The following ABCG2 variants were observed in gnomAD, a reference collection of about 807,000 sequenced individuals.
The protein encoded by ABCG2 is broad substrate specificity ATP-binding cassette transporter ABCG2.
In ABCG2, 80 loss-of-function variants were observed where a neutral mutation model predicts 73.5. That is an observed-to-expected ratio of 1.09 (90% CI 0.91 to 1.31). The LOEUF is 1.31. Ranked by LOEUF, ABCG2 falls within the 50% of genes most tolerant of loss-of-function variation. ABCG2 has a pLI of 0.00. For missense variants in ABCG2, 796 were observed against 786.2 expected, an observed-to-expected ratio of 1.01 and a Z score of -0.15; for synonymous variants, 269 against 282.4, an observed-to-expected ratio of 0.95 and a Z score of 0.48.
At chr4:88,218,681 G>A (rs374240875) in intron 1 of ABCG2, among the ~76,000 whole-genome samples, 99 of 152,244 alleles carry the variant, frequency 6.5e-4, no homozygotes, top group African/African-American at 2.3e-3. Flanking sequence ...GAGTGAGAAC[G>A]TACGCACATG....
chr4:88,119,960 T>C (rs960674562), intron 6 of ABCG2, among the ~76,000 whole-genome samples: 7 of 151,950 alleles, frequency 4.6e-5, no homozygotes, highest in African/African-American at 1.7e-4. Context: ...ACCAAGACAA[T>C]GGGGAAAATG....
intron 1 of ABCG2, among the ~76,000 whole-genome samples, chr4:88,219,353 G>A (rs1386070882): frequency 6.6e-6 from 1 of 152,090 alleles, no homozygotes; most frequent in Non-Finnish European, 1.5e-5. Flanking sequence ...TATTCCAATG[G>A]AGAAGACAGA....
intron 5 of ABCG2, among the ~76,000 whole-genome samples, chr4:88,127,442 CA>C (rs1231948489): frequency 6.6e-6 from 1 of 151,322 alleles, no homozygotes; most frequent in Non-Finnish European, 1.5e-5. Context: ...ATATGGAACC[CA>C]AAAAAAAGCC....
intron 2 of ABCG2, 119 bp downstream of exon 2, chr4:88,139,674 T>C (rs942530852): frequency 2.4e-5 from 19 of 780,752 alleles, no homozygotes; most frequent in Non-Finnish European, 3.5e-5. Context: ...TGTGTCTGTA[T>C]ATCTGTGCAA....
At chr4:88,122,230 TG>T (rs1450212793) in intron 5 of ABCG2, among the ~76,000 whole-genome samples, 2 of 152,086 alleles carry the variant, frequency 1.3e-5, no homozygotes, top group South Asian at 4.2e-4. Context: ...AACACAAAAC[TG>T]GGTGGCCATT....
At chr4:88,125,984 A>G (rs1020404014) in intron 5 of ABCG2, among the ~76,000 whole-genome samples, 4 of 152,184 alleles carry the variant, frequency 2.6e-5, no homozygotes, top group Non-Finnish European at 5.9e-5. Context: ...AAACAAATCA[A>G]CGAATCCAGG....
At position 88,223,740 on chromosome 4, in the gene ABCG2, C is replaced by A. The variant is rs537082575; in HGVS notation, c.-20+7254G>T. On this transcript the variant is annotated intron_variant, in intron 1 of 15. Coordinates refer to the ABCG2 transcript ENST00000515655. ...TTACAGCATCCTGGGCATTTCACATCCCTGAAGTAGGAACTGGAGCTCTGT... is the reference window on the plus strand; with the variant it reads ...TTACAGCATCCTGGGCATTTCACATACCTGAAGTAGGAACTGGAGCTCTGT... The A allele has an allele frequency of 8.4e-4, 128 of 153,000 alleles. 5 individuals carry two copies. In the South Asian group the frequency reaches 0.023, roughly 28 times the overall value. The allele number at this position is 153,000 out of a possible 1,614,324, so 9.5% of individuals were successfully genotyped here. A position where few individuals can be genotyped will look rare whatever the true frequency, so the allele number is the denominator to read the frequency against.
chr4:88,097,147 T>C (rs1722036883), intron 13 of ABCG2, among the ~76,000 whole-genome samples: 1 of 152,242 alleles, frequency 6.6e-6, no homozygotes, highest in African/African-American at 2.4e-5. Flanking sequence ...TCTTCTGATT[T>C]TTGAAATTCC....
intron 1 of ABCG2, among the ~76,000 whole-genome samples, 152 bp downstream of exon 1, chr4:88,158,234 T>C (rs2622605): frequency 0.41 from 61,964 of 152,086 alleles, 13,674 homozygotes; most frequent in East Asian, 0.66. Flanking sequence ...AGTTTTAAAC[T>C]GCATACCCAC....
At chr4:88,162,113 G>T (rs952303637), upstream of ABCG2, among the ~76,000 whole-genome samples, 4 of 152,102 alleles carry the variant, frequency 2.6e-5, no homozygotes, top group Non-Finnish European at 5.9e-5. Flanking sequence ...TTGGGGGGCT[G>T]AGGTGGAAGG....
At chr4:88,132,965 C>G (rs1725006091) in intron 2 of ABCG2, among the ~76,000 whole-genome samples, 1 of 152,218 alleles carries the variant, frequency 6.6e-6, no homozygotes, top group South Asian at 2.1e-4. Flanking sequence ...ATGTTAATCA[C>G]TGGTCAAGTC....
At position 88,095,502 on chromosome 4, in the gene ABCG2, C is replaced by G; in HGVS notation, c.1737+18G>C. Reference sequence around the variant, plus strand: ...TAGCTTGGGAATGCAGTCACAGTGACAGACAAGGAAGACATACCGTAAATC... The same window carrying G: ...TAGCTTGGGAATGCAGTCACAGTGAGAGACAAGGAAGACATACCGTAAATC... On this transcript the variant is annotated intron_variant, in intron 14 of 15. Transcript: ENST00000237612. 1 of 1,601,008 alleles carries G rather than the reference C, an allele frequency of 6.2e-7. No individual in the cohort carries two copies. Among genetic ancestry groups the G allele is most frequent in the Non-Finnish European group, 8.6e-7 (1 of 1,168,512 alleles).
chr4:88,100,639 G>C (rs1722343921), intron 11 of ABCG2, among the ~76,000 whole-genome samples: 1 of 151,754 alleles, frequency 6.6e-6, no homozygotes, highest in African/African-American at 2.4e-5. Flanking sequence ...GACAAAGCAA[G>C]ACCCTGTCTC....
intron 5 of ABCG2, among the ~76,000 whole-genome samples, chr4:88,125,233 A>G (rs1724304164): frequency 6.6e-6 from 1 of 151,844 alleles, no homozygotes; most frequent in Admixed American, 6.6e-5. Flanking sequence ...CTGAACTTGC[A>G]GTGAGCCAAG....
At chr4:88,099,557 C>T in intron 11 of ABCG2, 109 bp from the exon 12 acceptor site, 2 of 1,130,456 alleles carry the variant, frequency 1.8e-6, no homozygotes, top group Admixed American at 5.2e-5. Context: ...TTGAACAAGC[C>T]AGCTTCCCAC....
At chr4:88,156,847 G>C (rs145726279) in intron 1 of ABCG2, among the ~76,000 whole-genome samples, 7,240 of 152,286 alleles carry the variant, frequency 0.048, 228 homozygotes, top group Middle Eastern at 0.068. Context: ...GCTCACGCCT[G>C]TAATCCCAGC....
At chr4:88,119,801 G>T (rs939250468) in intron 6 of ABCG2, among the ~76,000 whole-genome samples, 1 of 152,086 alleles carries the variant, frequency 6.6e-6, no homozygotes, top group Non-Finnish European at 1.5e-5. Context: ...GTTTGAAATT[G>T]GAACTTATGT....
intron 1 of ABCG2, among the ~76,000 whole-genome samples, chr4:88,178,408 C>G (rs904069103): frequency 1.7e-4 from 26 of 152,152 alleles, no homozygotes; most frequent in African/African-American, 5.8e-4. Flanking sequence ...CAATCAGTAG[C>G]GGTACCCAGG....
intron 1 of ABCG2, among the ~76,000 whole-genome samples, chr4:88,203,773 A>ATT (rs1560755003): frequency 1.3e-5 from 2 of 149,466 alleles, no homozygotes; most frequent in Admixed American, 1.3e-4. Flanking sequence ...AAAAAAAAAG[A>ATT]AAGAAACTTA....
Sources: allele counts gnomAD v4.1 joint callset (sites outside exome capture counted in the v4.1 genomes callset), GRCh38; gene constraint gnomAD v4.1.1; transcripts MANE v1.5; gene names NCBI Gene and HGNC (gene_info 2026-07-23, HGNC 2026-07-21).